DHX30: variants seen among roughly 807,000 people sequenced by gnomAD.
DHX30 encodes the protein DExH-box helicase 30, also known as ATP-dependent RNA helicase DHX30.
DHX30 carries 4 observed loss-of-function variants against 116.9 expected under a neutral mutation model. The ratio of observed to expected loss-of-function variants is 0.03; its 90% CI spans 0.02 to 0.08. The LOEUF (loss-of-function observed/expected upper bound fraction) is 0.08, where lower values mean the gene tolerates loss of function less well. DHX30 is among the 10% of genes least tolerant of loss of function. The pLI is 1.00. For missense variants in DHX30, 871 were observed against 1,595.1 expected (o/e 0.55, Z 7.73); for synonymous variants, 697 against 651.7 (o/e 1.07, Z -1.06).
At chr3:47,823,764 A>G (rs758730669) in intron 4 of DHX30, among the ~76,000 whole-genome samples, 1 of 152,204 alleles carries the variant, frequency 6.6e-6, no homozygotes, top group Non-Finnish European at 1.5e-5. Flanking sequence ...CCCAGCTTCA[A>G]CAATTAACAA....
At chr3:47,828,991 C>T in intron 5 of DHX30, 33 bp from the exon 6 acceptor site, 3 of 1,417,916 alleles carry the variant, frequency 2.1e-6, no homozygotes, top group South Asian at 2.4e-5. Flanking sequence ...TCTGGAGTGG[C>T]AAGACTTCTG....
chr3:47,822,521 T>C (rs540534166), intron 4 of DHX30, among the ~76,000 whole-genome samples: 9 of 152,166 alleles, frequency 5.9e-5, no homozygotes, highest in Non-Finnish European at 1.0e-4. Context: ...GTGTGTTAAC[T>C]CATGCCTGTA....
chr3:47,845,090 G>C (rs319693), intron 9 of DHX30, among the ~76,000 whole-genome samples: 8 of 151,964 alleles, frequency 5.3e-5, no homozygotes, highest in African/African-American at 1.9e-4. Context: ...GTGTTGGGGG[G>C]GCTGTAGCCA....
chr3:47,817,937 C>G (rs1026191150), intron 3 of DHX30, 85 bp from the exon 4 acceptor site: 1 of 779,732 alleles, frequency 1.3e-6, no homozygotes, highest in African/African-American at 1.7e-5. Context: ...GAGCTCCTCA[C>G]GGATGCTCTG....
intron 4 of DHX30, among the ~76,000 whole-genome samples, chr3:47,822,861 A>G (rs2036359767): frequency 6.6e-6 from 1 of 152,128 alleles, no homozygotes; most frequent in South Asian, 2.1e-4. Context: ...TGAGAGGCCA[A>G]GGAAGGCGAA....
At chr3:47,845,936 G>C (rs1353042735) in intron 10 of DHX30, 84 bp downstream of exon 10, 3 of 1,522,540 alleles carry the variant, frequency 2.0e-6, no homozygotes, top group Non-Finnish European at 2.6e-6. Context: ...ACCTGCGACA[G>C]GCAGTAGTAC....
chr3:47,845,686 A>T lies in DHX30; in HGVS notation c.940-14A>T. On this transcript the variant is annotated splice_polypyrimidine_tract_variant and intron_variant, in intron 9 of 21. Coordinates refer to ENST00000445061, the MANE Select transcript of DHX30 (RefSeq NM_138615.3). ...CCCCAGAGCATAGACTGAGTCTTGC[A>T]TGTCCCCCTGCAGAGCCTGGGCCTG... is the stretch of plus-strand genomic sequence containing the variant. 6.3e-7 allele frequency: 1 copy of T among 1,576,754 alleles called. No individual in the cohort carries two copies. The highest frequency in any genetic ancestry group is 8.7e-7 in the Non-Finnish European group (1 of 1,152,458).
intron 6 of DHX30, among the ~76,000 whole-genome samples, chr3:47,839,909 G>A (rs887220094): frequency 3.3e-5 from 5 of 151,916 alleles, no homozygotes; most frequent in Non-Finnish European, 7.4e-5. Flanking sequence ...TCCTGACCTC[G>A]AGTAGTCCAC....
chr3:47,827,603 A>G, intron 5 of DHX30, 126 bp downstream of exon 5: 1 of 1,288,742 alleles, frequency 7.8e-7, no homozygotes, highest in African/African-American at 1.5e-5. Context: ...AATGGTCAGC[A>G]GAGACTCAGA....
In DHX30 at chr3:47,841,013, T is replaced by C. The variant is rs960920951; in HGVS notation, c.503T>C (p.Leu168Pro). ...ATGCCCCCTACTTCCTGGCGGCAGCTGAATCCAGAGAGTATTCGACCAGGG... is the reference window on the plus strand; with the variant it reads ...ATGCCCCCTACTTCCTGGCGGCAGCCGAATCCAGAGAGTATTCGACCAGGG... The part of the protein sequence containing the change: ...PTMPPTSWRQ[L>P]NPESIRPGGP... The change falls in exon 7 of 22, where the codon CTG (leucine) becomes CCG (proline). Residue 168 changes from leucine to proline, a missense_variant. Leu to Pro is a moderately conservative substitution (Grantham distance 98). Transcript: ENST00000445061. 6.2e-7 allele frequency: 1 copy of C among 1,614,214 alleles called. No individual in the cohort carries two copies. The highest frequency in any genetic ancestry group is 1.7e-5 in the Admixed American group (1 of 60,026).
At chr3:47,814,298 G>C (rs911165597) in intron 3 of DHX30, among the ~76,000 whole-genome samples, 1 of 151,008 alleles carries the variant, frequency 6.6e-6, no homozygotes, top group Non-Finnish European at 1.5e-5. Context: ...AATCAGCCGG[G>C]CATGGTAATC....
chr3:47,806,956 C>T (rs1293401101), intron 2 of DHX30, among the ~76,000 whole-genome samples: 1 of 151,932 alleles, frequency 6.6e-6, no homozygotes, highest in African/African-American at 2.4e-5. Context: ...GCCTGTAATC[C>T]CAGCACTTTG....
rs752246787 is a variant in DHX30, at chr3:47,840,885, T to G, written c.375T>G (p.Gly125=). ...TCCCTTTTCCCCTCCAGGGTTGGGG[T>G]CTGCTAGGTCCCCGGAATGAGTTGT... ...AAACQLFKGW[G]LLGPRNELFD... Residue 125 remains glycine, a synonymous_variant, in exon 7 of 22, where the codon GGT becomes GGG. Transcript: ENST00000445061. 18 of 1,613,990 alleles carry G rather than the reference T, an allele frequency of 1.1e-5. No individual in the cohort carries two copies. The highest frequency in any genetic ancestry group is 1.5e-5 in the Non-Finnish European group (18 of 1,180,030).
chr3:47,820,704 G>A (rs1319661164), intron 4 of DHX30, among the ~76,000 whole-genome samples: 1 of 152,108 alleles, frequency 6.6e-6, no homozygotes, highest in African/African-American at 2.4e-5. Context: ...TGTGCTGCTA[G>A]ATGTAGTTGT....
rs374406260 is a variant in DHX30 at position 47,847,415 on chromosome 3, C to G, written c.2006-17C>G. The G allele has an allele frequency of 1.3e-4, 202 of 1,613,790 alleles. 1 individual carries two copies. In the East Asian group the frequency reaches 4.1e-3, roughly 33 times the overall value. ...TTTGCAGCAACAGCTGGCTCATGCC[C>G]CAGGGCTCCTTTACAGGTGGGATCC... On this transcript the variant is annotated splice_polypyrimidine_tract_variant and intron_variant, in intron 12 of 21. Transcript: ENST00000445061. The surrounding 1 kb of genome is among the most constrained non-coding windows in gnomAD (Gnocchi z 5.5).
Position 47,848,947 on chromosome 3 carries a change from G to A in DHX30, c.2797G>A (p.Gly933Ser). 1.9e-6 allele frequency: 3 copies of A among 1,611,428 alleles called. No individual in the cohort carries two copies. Among genetic ancestry groups the A allele is most frequent in the Non-Finnish European group, 8.5e-7 (1 of 1,178,344 alleles). Residue 933 changes from glycine (G) to serine (S), a missense_variant, in exon 18 of 22, where the codon GGC becomes AGC. Transcript: ENST00000445061. This position sits in a 1 kb window ranked among gnomAD's most constrained non-coding sequence, Gnocchi z 9.4. ...GAAAGCACTGTTGAGCCATGACAGC[G>A]GCAGTGACCACCTGGCCTTTGTGCG... ...KVKALLSHDS[G>S]SDHLAFVRAV...
At chr3:47,823,604 C>T (rs980399808) in intron 4 of DHX30, among the ~76,000 whole-genome samples, 9 of 152,110 alleles carry the variant, frequency 5.9e-5, no homozygotes, top group South Asian at 2.1e-4. Flanking sequence ...CCTCATGATC[C>T]GCCTGCCTCA....
chr3:47,829,289 T>TAG lies in DHX30; in HGVS notation c.366+156_366+157insGA, dbSNP rs2036697974. On this transcript the variant is annotated intron_variant, in intron 6 of 21. Transcript: ENST00000445061. ...CTTTCTTACTGTTCAGCCAATGAGA[T>TAG]ATATATATATATATATATATATATA... Among the ~76,000 whole-genome samples, 9 of 31,242 alleles carry TAG rather than the reference T, an allele frequency of 2.9e-4. No homozygotes were observed. The South Asian group carries it at 5.8e-3, about 20-fold the overall frequency. 20.5% of individuals were successfully genotyped at this position (31,242 alleles called of 152,430 possible).
At chr3:47,809,486 C>T (rs1252821846) in intron 2 of DHX30, among the ~76,000 whole-genome samples, 3 of 151,958 alleles carry the variant, frequency 2.0e-5, no homozygotes, top group African/African-American at 4.8e-5. Context: ...CCTCGTGATC[C>T]GCCCACCTCG....
Sources: allele counts gnomAD v4.1 joint callset (sites outside exome capture counted in the v4.1 genomes callset), GRCh38; gene constraint gnomAD v4.1.1; non-coding constraint Gnocchi (gnomAD v3.1); transcripts MANE v1.5; gene names NCBI Gene and HGNC (gene_info 2026-07-23, HGNC 2026-07-21).